The following EEIG1 variants were observed in gnomAD, a reference collection of about 807,000 sequenced individuals.
EEIG1 encodes early estrogen-induced gene 1 protein.
chr9:127,965,417 G>A, the EEIG1 span, among the ~76,000 whole-genome samples: 1 of 152,206 alleles, frequency 6.6e-6, no homozygotes, highest in African/African-American at 2.4e-5. Context: ...TCTGATGCAG[G>A]GAGCTGGGCA....
the EEIG1 span, among the ~76,000 whole-genome samples, chr9:127,965,514 C>T: frequency 2.1e-4 from 32 of 152,140 alleles, no homozygotes; most frequent in Admixed American, 4.6e-4. Context: ...TGCTGGTCCC[C>T]CAGAACAGGG....
chr9:127,944,538 G>T, the EEIG1 span: 1 of 1,069,896 alleles, frequency 9.3e-7, no homozygotes, highest in Non-Finnish European at 1.4e-6. Context: ...TCAAGGCCAG[G>T]TGAGTGGACT....
the EEIG1 span, chr9:127,942,763 A>G: frequency 4.7e-6 from 1 of 212,986 alleles, no homozygotes. Context: ...AGACGTGACC[A>G]AAGCCAGTGC....
chr9:127,945,331 T>G, the EEIG1 span: 1 of 1,488,606 alleles, frequency 6.7e-7, no homozygotes, highest in Non-Finnish European at 9.1e-7. The surrounding 1 kb of genome is among the most constrained non-coding windows in gnomAD (Gnocchi z 6.5). Flanking sequence ...CCGGGAGAGG[T>G]CTGTTCTCCA....
At chr9:127,948,916 T>C in the EEIG1 span, among the ~76,000 whole-genome samples, 1 of 152,132 alleles carries the variant, frequency 6.6e-6, no homozygotes, top group African/African-American at 2.4e-5. Context: ...GTGGCAAGAT[T>C]TGGGCCCTAA....
At chr9:127,948,236 C>T in the EEIG1 span, 1 of 1,613,684 alleles carries the variant, frequency 6.2e-7, no homozygotes, top group Non-Finnish European at 8.5e-7. Flanking sequence ...CTTGGGAAGA[C>T]AGACAGGTGT....
the EEIG1 span, chr9:127,945,662 C>T: frequency 6.3e-7 from 1 of 1,593,380 alleles, no homozygotes; most frequent in Non-Finnish European, 8.5e-7. This position sits in a 1 kb window ranked among gnomAD's most constrained non-coding sequence, Gnocchi z 6.5. Context: ...AGATCTTGGA[C>T]TGCTGGCTGG....
At chr9:127,979,938 C>CT in the EEIG1 span, 2 of 1,574,820 alleles carry the variant, frequency 1.3e-6, no homozygotes, top group South Asian at 2.3e-5. Flanking sequence ...TGCCAAGTGT[C>CT]TAGGTCTCGC....
the EEIG1 span, among the ~76,000 whole-genome samples, chr9:127,970,200 G>T: frequency 2.0e-5 from 3 of 152,038 alleles, no homozygotes; most frequent in Non-Finnish European, 4.4e-5. Context: ...TGCAGCCTCT[G>T]CCTCCCGAGT....
chr9:127,960,894 A>G, the EEIG1 span, among the ~76,000 whole-genome samples: 1 of 151,990 alleles, frequency 6.6e-6, no homozygotes, highest in East Asian at 1.9e-4. Flanking sequence ...CAGGGCTCTG[A>G]ACAATCACCT....
At chr9:127,974,073 C>A in the EEIG1 span, among the ~76,000 whole-genome samples, 1 of 152,190 alleles carries the variant, frequency 6.6e-6, no homozygotes, top group African/African-American at 2.4e-5. Flanking sequence ...GGCCACTGTG[C>A]CCCCATCCAT....
the EEIG1 span, chr9:127,953,351 C>T: frequency 1.7e-6 from 1 of 575,970 alleles, no homozygotes; most frequent in Non-Finnish European, 3.1e-6. Context: ...GAAACTGGCC[C>T]TTTTGCTCTG....
chr9:127,947,120 G>C, the EEIG1 span, among the ~76,000 whole-genome samples: 2 of 152,040 alleles, frequency 1.3e-5, no homozygotes, highest in Non-Finnish European at 2.9e-5. Flanking sequence ...TAAAAACAGA[G>C]TGCCCAGCCG....
chr9:127,979,057 T>C, the EEIG1 span, among the ~76,000 whole-genome samples: 28 of 152,046 alleles, frequency 1.8e-4, no homozygotes, highest in Non-Finnish European at 4.1e-4. Flanking sequence ...ATCTAAGTCG[T>C]CCACGCTGGT....
the EEIG1 span, among the ~76,000 whole-genome samples, chr9:127,965,857 G>A: frequency 2.1e-4 from 32 of 152,360 alleles, no homozygotes; most frequent in Non-Finnish European, 4.3e-4. Context: ...GCACAGCAGC[G>A]TCTGGCTCCT....
At chr9:127,974,086 C>T in the EEIG1 span, among the ~76,000 whole-genome samples, 1 of 152,214 alleles carries the variant, frequency 6.6e-6, no homozygotes, top group Non-Finnish European at 1.5e-5. Flanking sequence ...CCATCCATCT[C>T]CCGGCACTTA....
chr9:127,961,125 G>A, the EEIG1 span, among the ~76,000 whole-genome samples: 2 of 152,212 alleles, frequency 1.3e-5, no homozygotes, highest in African/African-American at 4.8e-5. Flanking sequence ...TAACTCATCT[G>A]AAGTCACAGC....
At chr9:127,969,060 G>A in the EEIG1 span, among the ~76,000 whole-genome samples, 1 of 152,212 alleles carries the variant, frequency 6.6e-6, no homozygotes, top group Non-Finnish European at 1.5e-5. Context: ...TCCAAGATGG[G>A]TGTGGCCAAC....
the EEIG1 span, among the ~76,000 whole-genome samples, chr9:127,952,323 G>C: frequency 6.6e-6 from 1 of 152,240 alleles, no homozygotes; most frequent in Non-Finnish European, 1.5e-5. Context: ...CGCCTCCCTC[G>C]GGTGAGAGGT....
Sources: gnomAD v4.1 joint callset for allele counts (sites outside exome capture counted in the v4.1 genomes callset) on GRCh38, gnomAD v4.1.1 for gene constraint, Gnocchi (gnomAD v3.1) non-coding constraint, MANE v1.5 for transcripts, NCBI Gene and HGNC (gene_info 2026-07-23, HGNC 2026-07-21) for gene names.